The following NLGN4X variants were observed in gnomAD, a reference collection of about 807,000 sequenced individuals.
The protein encoded by NLGN4X is neuroligin-4, X-linked.
NLGN4X carries 3 observed loss-of-function variants against 40.3 expected under a neutral mutation model. The observed-to-expected ratio is 0.07, with a 90% CI of 0.03 to 0.19. The LOEUF (loss-of-function observed/expected upper bound fraction) is 0.19, where lower values mean the gene tolerates loss of function less well. NLGN4X is among the 10% of genes least tolerant of loss of function. The pLI is 1.00. For synonymous variants in NLGN4X, 270 were observed against 306.8 expected (o/e 0.88, Z 1.25); for missense variants, 382 against 708.3 (o/e 0.54, Z 5.23).
Position 5,892,367 on chromosome X carries a change from C to G in NLGN4X, c.*450G>C. ...CAAAATCTCATTGACTCTTTCTTCA[C>G]TTAAGGAGAGCCATCCATTGTGTGG... On this transcript the variant is annotated 3_prime_UTR_variant, in exon 6 of 6. Transcript: ENST00000381095. The G allele has an allele frequency of 5.4e-6, 1 of 183,726 alleles. No homozygotes were observed. Among genetic ancestry groups the G allele is most frequent in the South Asian group, 1.0e-4 (1 of 10,038 alleles). 15.1% of individuals were successfully genotyped at this position (183,726 alleles called of 1,213,427 possible).
In NLGN4X at chrX:6,153,231, T is replaced by C. The variant is rs115063661; in HGVS notation, c.-305-1460A>G. 3.2e-3 allele frequency among the ~76,000 whole-genome samples: 358 copies of C among 111,399 alleles called. 2 individuals carry two copies. The highest frequency in any genetic ancestry group is 0.011 in the African/African-American group (338 of 30,695). ...GCTTTTTTTTTTTAAATAAAACATA[T>C]TGGAGCTGGATCTATCACAGAACAA... On this transcript the variant is annotated intron_variant, in intron 1 of 5. Transcript: ENST00000381095.
At position 6,151,668 on chromosome X, in the gene NLGN4X, C is replaced by T. The variant is rs929580048; in HGVS notation, c.-202G>A. ...GGCAGCCCATTGCAAGGAGGCAGCC[C>T]TCCCTTAATCCTGAAACTGGATTCC... On this transcript the variant is annotated 5_prime_UTR_variant, in exon 2 of 6. Transcript: ENST00000381095. 4 of 443,337 alleles carry T rather than the reference C, an allele frequency of 9.0e-6. No homozygotes were observed. The East Asian group carries it at 1.5e-4, about 17-fold the overall frequency. The allele number at this position is 443,337 out of a possible 1,213,427, so 36.5% of individuals were successfully genotyped here. A position where few individuals can be genotyped will look rare whatever the true frequency, so the allele number is the denominator to read the frequency against.
chrX:6,215,743 T>C (rs1925019027), intron 1 of NLGN4X, among the ~76,000 whole-genome samples: 1 of 111,420 alleles, frequency 9.0e-6, no homozygotes, highest in African/African-American at 3.3e-5. Flanking sequence ...TAGTAGACAC[T>C]GAAGCATATT....
chrX:6,099,088 C>T (rs1255376929), intron 2 of NLGN4X, among the ~76,000 whole-genome samples: 1 of 111,848 alleles, frequency 8.9e-6, no homozygotes, highest in Non-Finnish European at 1.9e-5. Flanking sequence ...CCAAATGTCC[C>T]CTGAGGCAAA....
In NLGN4X at chrX:5,901,675, T is replaced by C. The variant is rs755002599; in HGVS notation, c.1601+1402A>G. ...ACATGTATGTGTGTTTGTGTGTGTG[T>C]GTTTATGTATGCATGACATATAGCA... On this transcript the variant is annotated intron_variant, in intron 5 of 5. Coordinates refer to ENST00000381095, the MANE Select transcript of NLGN4X (RefSeq NM_181332.3). Among the ~76,000 whole-genome samples, 8 of 110,481 alleles carry C rather than the reference T, an allele frequency of 7.2e-5. No individual in the cohort carries two copies. The East Asian group carries it at 2.3e-3, about 31-fold the overall frequency.
At chrX:6,051,992 G>A (rs895298975) in intron 2 of NLGN4X, among the ~76,000 whole-genome samples, 3 of 110,689 alleles carry the variant, frequency 2.7e-5, no homozygotes, top group African/African-American at 9.9e-5. Context: ...TTGAAGATAC[G>A]TGTCGCCGTA....
chrX:6,053,189 G>A (rs373964500), intron 2 of NLGN4X, among the ~76,000 whole-genome samples: 2 of 112,148 alleles, frequency 1.8e-5, no homozygotes, highest in African/African-American at 6.5e-5. Flanking sequence ...TTTGGTCTGT[G>A]AAAACGGAAA....
At chrX:6,020,421 G>C (rs1240639201) in intron 3 of NLGN4X, among the ~76,000 whole-genome samples, 1 of 112,080 alleles carries the variant, frequency 8.9e-6, no homozygotes, top group East Asian at 2.8e-4. Flanking sequence ...CAGAAGCAGA[G>C]AGTAGAATGT....
intron 1 of NLGN4X, among the ~76,000 whole-genome samples, chrX:6,215,545 G>A (rs1925000805): frequency 1.3e-5 from 1 of 78,620 alleles, no homozygotes; most frequent in South Asian, 5.6e-4. Flanking sequence ...GCGAAACTCC[G>A]TCTCAAAAAA....
At chrX:5,913,561 T>C (rs760781473) in intron 3 of NLGN4X, among the ~76,000 whole-genome samples, 1 of 111,964 alleles carries the variant, frequency 8.9e-6, no homozygotes, top group South Asian at 3.8e-4. Context: ...CTCCCTAATA[T>C]GAAGCTTGTA....
Position 6,151,510 on chromosome X carries a change from G to A in NLGN4X, c.-44C>T, listed in dbSNP as rs775813710. ...CATCCACAGCTGTCCCAGTGATGTG[G>A]CTCCAAGGAGACAAAGCCCAGAGGC... On this transcript the variant is annotated 5_prime_UTR_variant, in exon 2 of 6. Transcript: ENST00000381095. 4.5e-6 allele frequency: 5 copies of A among 1,113,557 alleles called. No homozygotes were observed. The highest frequency in any genetic ancestry group is 5.0e-6 in the Non-Finnish European group (4 of 807,584). The allele number at this position is 1,113,557 out of a possible 1,213,427, so 91.8% of individuals were successfully genotyped here.
intron 3 of NLGN4X, among the ~76,000 whole-genome samples, chrX:5,929,768 A>G (rs1601904837): frequency 1.8e-5 from 2 of 112,608 alleles, no homozygotes; most frequent in African/African-American, 6.4e-5. Context: ...ACTTCATTTA[A>G]TAACAGTTTT....
At chrX:6,108,866 G>T (rs966665901) in intron 2 of NLGN4X, among the ~76,000 whole-genome samples, 2 of 111,011 alleles carry the variant, frequency 1.8e-5, no homozygotes, top group Non-Finnish European at 3.8e-5. Flanking sequence ...TCCAAGATTG[G>T]ATCAGATGTT....
chrX:5,992,343 C>T (rs965997211), intron 3 of NLGN4X, among the ~76,000 whole-genome samples: 1 of 111,983 alleles, frequency 8.9e-6, no homozygotes, highest in Non-Finnish European at 1.9e-5. Context: ...TGGTGGCTCA[C>T]ATCTGTAATC....
chrX:6,008,602 G>C (rs1276420847), intron 3 of NLGN4X, among the ~76,000 whole-genome samples: 1 of 112,011 alleles, frequency 8.9e-6, no homozygotes, highest in Non-Finnish European at 1.9e-5. Flanking sequence ...CAGGATATGA[G>C]ATACTGAACA....
chrX:6,140,021 T>C (rs1186810793), intron 2 of NLGN4X, among the ~76,000 whole-genome samples: 10 of 111,360 alleles, frequency 9.0e-5, no homozygotes, highest in Admixed American at 7.7e-4. Flanking sequence ...AGGTGAATAT[T>C]AGATGTTCCC....
chrX:6,196,806 T>C (rs762053823), intron 1 of NLGN4X, among the ~76,000 whole-genome samples: 2 of 111,131 alleles, frequency 1.8e-5, no homozygotes, highest in East Asian at 2.9e-4. Context: ...TGGTTATGTA[T>C]TTCCTAACTA....
At chrX:6,078,735 C>A (rs1485040450) in intron 2 of NLGN4X, among the ~76,000 whole-genome samples, 1 of 39,181 alleles carries the variant, frequency 2.6e-5, no homozygotes, top group Non-Finnish European at 5.6e-5. Context: ...CTATTACTCA[C>A]TAAGGAATGG....
In NLGN4X at chrX:5,892,380, A is replaced by G. The variant is rs2031224159; in HGVS notation, c.*437T>C. 1.0e-5 allele frequency: 2 copies of G among 192,053 alleles called. No homozygotes were observed. Among genetic ancestry groups the G allele is most frequent in the Non-Finnish European group, 1.9e-5 (2 of 103,072 alleles). 15.8% of individuals were successfully genotyped at this position (192,053 alleles called of 1,213,427 possible). A position where few individuals can be genotyped will look rare whatever the true frequency, so the allele number is the denominator to read the frequency against. ...ACTCTTTCTTCACTTAAGGAGAGCC[A>G]TCCATTGTGTGGCACAGAAAGAAAT... On this transcript the variant is annotated 3_prime_UTR_variant, in exon 6 of 6. Coordinates refer to ENST00000381095, the MANE Select transcript of NLGN4X (RefSeq NM_181332.3).
Sources: allele counts gnomAD v4.1 joint callset (sites outside exome capture counted in the v4.1 genomes callset), GRCh38; gene constraint gnomAD v4.1.1; transcripts MANE v1.5; gene names NCBI Gene and HGNC (gene_info 2026-07-23, HGNC 2026-07-21).